Variants in SH3D19 observed in about 807,000 individuals in gnomAD.
SH3D19 encodes the protein SH3 domain containing 19.
A neutral mutation model predicts 112.1 loss-of-function variants in SH3D19; 58 were observed. The observed-to-expected ratio is 0.52, with a 90% CI of 0.42 to 0.64. SH3D19 has a LOEUF of 0.64. SH3D19 is among the 30% of genes least tolerant of loss of function. The pLI is 0.00. For synonymous variants in SH3D19, 391 were observed against 448.5 expected (o/e 0.87, Z 1.62); for missense variants, 1,090 against 1,263.4 (o/e 0.86, Z 2.08).
intron 2 of SH3D19, among the ~76,000 whole-genome samples, chr4:151,200,217 CACATACAT>C (rs906662096): frequency 6.6e-6 from 1 of 151,722 alleles, no homozygotes; most frequent in Non-Finnish European, 1.5e-5. Context: ...AATGGACTAA[CACATACAT>C]ACATACATAC....
chr4:151,322,046 C>T lies in SH3D19; in HGVS notation c.112+3195G>A, dbSNP rs74983064. ...AATATTTCACATAGTGCCAGATTTA[C>T]GACACCTTAGCCTCAGCACATGAAA... On this transcript the variant is annotated intron_variant, in intron 1 of 19. Coordinates refer to ENST00000604030, the MANE Select transcript of SH3D19 (RefSeq NM_001378122.1). 7.7e-3 allele frequency among the ~76,000 whole-genome samples: 1,171 copies of T among 152,274 alleles called. 8 individuals are homozygous for T. The highest frequency in any genetic ancestry group is 0.01 in the Non-Finnish European group (706 of 68,022).
At chr4:151,153,504 C>T (rs1755482208) in intron 9 of SH3D19, among the ~76,000 whole-genome samples, 1 of 152,162 alleles carries the variant, frequency 6.6e-6, no homozygotes, top group East Asian at 1.9e-4. Context: ...GCCTCAGCCT[C>T]CCAAAGTGCT....
intron 15 of SH3D19, among the ~76,000 whole-genome samples, chr4:151,133,971 A>G (rs75622576): frequency 0.01 from 1,558 of 152,310 alleles, 30 homozygotes; most frequent in Admixed American, 0.036. Context: ...TTTAGAAAGG[A>G]AGTTTCAATA....
At chr4:151,310,188 A>T (rs984264266) in intron 1 of SH3D19, among the ~76,000 whole-genome samples, 2 of 147,882 alleles carry the variant, frequency 1.4e-5, no homozygotes, top group Non-Finnish European at 3.0e-5. Flanking sequence ...AGCCTGGTTA[A>T]CACAGCGAAA....
intron 2 of SH3D19, among the ~76,000 whole-genome samples, chr4:151,204,274 C>T (rs1417368752): frequency 2.6e-5 from 4 of 152,098 alleles, no homozygotes; most frequent in Admixed American, 2.6e-4. Flanking sequence ...GGAGTGAGGA[C>T]AAGTAGGCCC....
intron 2 of SH3D19, among the ~76,000 whole-genome samples, chr4:151,223,393 A>C (rs559767379): frequency 6.6e-6 from 1 of 152,166 alleles, no homozygotes; most frequent in African/African-American, 2.4e-5. Context: ...AATTACCCCA[A>C]AATTTGGCCA....
At chr4:151,227,864 A>G (rs1021516906) in intron 1 of SH3D19, 3 of 985,400 alleles carry the variant, frequency 3.0e-6, no homozygotes, top group Non-Finnish European at 3.6e-6. Flanking sequence ...TTTCCCCACT[A>G]ATCTTCCTAG....
chr4:151,304,353 C>G (rs1580453437), intron 1 of SH3D19, among the ~76,000 whole-genome samples: 1 of 152,266 alleles, frequency 6.6e-6, no homozygotes, highest in South Asian at 2.1e-4. Flanking sequence ...GAATATTGAG[C>G]TTTGTGGCAT....
intron 1 of SH3D19, among the ~76,000 whole-genome samples, chr4:151,230,881 A>G (rs1313035890): frequency 6.6e-6 from 1 of 152,004 alleles, no homozygotes; most frequent in Non-Finnish European, 1.5e-5. Context: ...CCCCGGCCAA[A>G]GTGTCCATCT....
rs766555547 is a variant in SH3D19, at chr4:151,133,053, G to A, written c.2670C>T (p.Thr890=). The change falls in exon 16 of 20, where the codon ACC becomes ACT. Residue 890 remains threonine (T), a synonymous_variant. Transcript: ENST00000604030. The part of the protein sequence containing the change: ...NFVEPVEDYP[T]SGANVLSTKV... The stretch of plus-strand genomic sequence containing the variant: ...ACTCACTTAAAACATTTGCACCAGA[G>A]GTGGGATAATCCTCAACAGGCTCCA... 2 of 1,613,958 alleles carry A rather than the reference G, an allele frequency of 1.2e-6. No individual in the cohort carries two copies. Among genetic ancestry groups the A allele is most frequent in the African/African-American group, 1.3e-5 (1 of 75,028 alleles).
At chr4:151,160,612 G>A (rs1045263446) in intron 8 of SH3D19, among the ~76,000 whole-genome samples, 1 of 151,790 alleles carries the variant, frequency 6.6e-6, no homozygotes, top group Admixed American at 6.6e-5. Flanking sequence ...GGACGCTAAA[G>A]CCACCTTTTA....
chr4:151,221,718 G>T (rs1347590325), intron 2 of SH3D19, among the ~76,000 whole-genome samples: 1 of 152,136 alleles, frequency 6.6e-6, no homozygotes, highest in Non-Finnish European at 1.5e-5. Flanking sequence ...GGGTTACCAA[G>T]ACCAATAGCA....
chr4:151,290,478 A>T (rs548809053), intron 1 of SH3D19, among the ~76,000 whole-genome samples: 6 of 152,222 alleles, frequency 3.9e-5, no homozygotes, highest in Non-Finnish European at 7.3e-5. Flanking sequence ...TGAAATGTCT[A>T]AAATAGGCAA....
At chr4:151,302,380 A>G (rs1352042863) in intron 1 of SH3D19, among the ~76,000 whole-genome samples, 1 of 152,214 alleles carries the variant, frequency 6.6e-6, no homozygotes, top group Non-Finnish European at 1.5e-5. Flanking sequence ...ATAAGAATGT[A>G]TGACTTATTG....
rs1189680945 is a variant in SH3D19 at position 151,143,944 on chromosome 4, G to A, written c.2189C>T (p.Thr730Ile). ...RVHLSQMKIITPLDEHLRSRP... is the reference protein window; with the variant it reads ...RVHLSQMKIIIPLDEHLRSRP... ...GCTTCTAAGATGTTCATCAAGTGGA[G>A]TGATAATCTTCATTTGAGACAGGTG... Residue 730 changes from threonine to isoleucine, a missense_variant, in exon 12 of 20, where the codon ACT (threonine) becomes ATT (isoleucine). Physicochemically the swap from Thr to Ile is moderately conservative, Grantham distance 89. Coordinates refer to ENST00000604030, the MANE Select transcript of SH3D19 (RefSeq NM_001378122.1). 1 of 1,613,972 alleles carries A rather than the reference G, an allele frequency of 6.2e-7. No individual in the cohort carries two copies. Among genetic ancestry groups the A allele is most frequent in the Non-Finnish European group, 8.5e-7 (1 of 1,179,978 alleles).
chr4:151,174,177 A>T (rs1579957685), intron 7 of SH3D19, among the ~76,000 whole-genome samples: 2 of 152,064 alleles, frequency 1.3e-5, no homozygotes, highest in East Asian at 3.9e-4. Flanking sequence ...CTCTCCCAGC[A>T]CTCCCAGCTG....
rs887670313 is a variant in SH3D19 at position 151,175,439 on chromosome 4, G to A, written c.765C>T (p.Ala255=). The A allele has an allele frequency of 5.3e-6, 8 of 1,516,112 alleles. No homozygotes were observed. Among genetic ancestry groups the A allele is most frequent in the African/African-American group, 4.2e-5 (3 of 71,618 alleles). 93.9% of individuals were successfully genotyped at this position (1,516,112 alleles called of 1,614,324 possible). Residue 255 remains alanine, a synonymous_variant, in exon 7 of 20, where the codon GCC becomes GCT. Coordinates refer to ENST00000604030, the MANE Select transcript of SH3D19 (RefSeq NM_001378122.1). ...GGCCTGGGGATGACTCCTCTCCTAC[G>A]GCTGCTGGGCTGATTTTCTGTTGAC... ...EQSQQKISPA[A]VGEESSPGRP... is the part of the protein sequence containing the mutation.
intron 12 of SH3D19, 68 bp from the exon 13 acceptor site, chr4:151,139,915 G>T: frequency 6.7e-7 from 1 of 1,490,534 alleles, no homozygotes; most frequent in Non-Finnish European, 9.3e-7. Context: ...TTCACTCTGA[G>T]ACCAATTTTT....
At chr4:151,167,603 A>C (rs1299522620) in intron 7 of SH3D19, among the ~76,000 whole-genome samples, 2 of 152,336 alleles carry the variant, frequency 1.3e-5, no homozygotes, top group East Asian at 3.9e-4. Flanking sequence ...TGTTCATTCA[A>C]TATTGACTGG....
Sources: allele counts gnomAD v4.1 joint callset (sites outside exome capture counted in the v4.1 genomes callset), GRCh38; gene constraint gnomAD v4.1.1; transcripts MANE v1.5; gene names NCBI Gene and HGNC (gene_info 2026-07-23, HGNC 2026-07-21).